The following ATP6V1C2 variants were observed in gnomAD, a reference collection of about 807,000 sequenced individuals.
The protein encoded by ATP6V1C2 is ATPase H+ transporting V1 subunit C2, also known as V-type proton ATPase subunit C 2.
In ATP6V1C2, 45 loss-of-function variants were observed where a neutral mutation model predicts 56.8. That is an observed-to-expected ratio of 0.79 (90% CI 0.62 to 1.02). The LOEUF (loss-of-function observed/expected upper bound fraction) is 1.02. ATP6V1C2 is among the 50% of genes least tolerant of loss of function. The pLI is 0.00. For missense variants in ATP6V1C2, 463 were observed against 519.7 expected, an observed-to-expected ratio of 0.89 and a Z score of 1.06; for synonymous variants, 220 against 201.3, an observed-to-expected ratio of 1.09 and a Z score of -0.79.
At chr2:10,775,244 G>C (rs374396515) in intron 10 of ATP6V1C2, among the ~76,000 whole-genome samples, 173 bp downstream of exon 10, 10 of 152,322 alleles carry the variant, frequency 6.6e-5, no homozygotes, top group African/African-American at 2.2e-4. Flanking sequence ...TGGGGGGAGG[G>C]GCGGTGAGCA....
intron 4 of ATP6V1C2, among the ~76,000 whole-genome samples, chr2:10,762,309 C>A (rs1441398400): frequency 6.6e-6 from 1 of 152,034 alleles, no homozygotes; most frequent in Non-Finnish European, 1.5e-5. Context: ...CCATGCCCAG[C>A]TAATTCTTAC....
At chr2:10,773,015 G>A (rs1044945930) in intron 8 of ATP6V1C2, among the ~76,000 whole-genome samples, 7 of 152,216 alleles carry the variant, frequency 4.6e-5, no homozygotes, top group Admixed American at 2.0e-4. Context: ...CGGCCTCAGC[G>A]TGTGGCCTGC....
intron 8 of ATP6V1C2, among the ~76,000 whole-genome samples, chr2:10,772,941 G>A (rs946996353): frequency 6.6e-6 from 1 of 152,188 alleles, no homozygotes; most frequent in Admixed American, 6.5e-5. Flanking sequence ...TGCCAGAGGG[G>A]GAAGCCAGCC....
At chr2:10,767,429 C>T (rs1460518657) in intron 5 of ATP6V1C2, among the ~76,000 whole-genome samples, 1 of 152,004 alleles carries the variant, frequency 6.6e-6, no homozygotes, top group East Asian at 1.9e-4. Context: ...TCTCAAAGTG[C>T]TAGGATTTCA....
intron 3 of ATP6V1C2, among the ~76,000 whole-genome samples, chr2:10,728,152 G>A (rs912622995): frequency 6.6e-6 from 1 of 152,146 alleles, no homozygotes; most frequent in African/African-American, 2.4e-5. Context: ...TGCAATCATA[G>A]CTCAGTGCAG....
Position 10,768,722 on chromosome 2 carries a change from C to T in ATP6V1C2, c.382C>T (p.Leu128=), listed in dbSNP as rs776995975. The T allele has an allele frequency of 6.2e-7, 1 of 1,614,000 alleles. No homozygotes were observed. The highest frequency in any genetic ancestry group is 8.5e-7 in the Non-Finnish European group (1 of 1,179,996). The change falls in exon 6 of 14, where the codon CTG becomes TTG. Residue 128 remains leucine (L), a synonymous_variant. Coordinates refer to ENST00000272238, the MANE Select transcript of ATP6V1C2 (RefSeq NM_001039362.2). ...AGCTTTTGCTTTCCCAAAACAGCAACTGGCGCAGATCGAGATGGACCTGAA... is the reference window on the plus strand; with the variant it reads ...AGCTTTTGCTTTCCCAAAACAGCAATTGGCGCAGATCGAGATGGACCTGAA... ...VSVVDTIAKQ[L]AQIEMDLKSR...
At chr2:10,730,392 A>G (rs1168334359) in intron 3 of ATP6V1C2, among the ~76,000 whole-genome samples, 1 of 152,140 alleles carries the variant, frequency 6.6e-6, no homozygotes, top group Non-Finnish European at 1.5e-5. Flanking sequence ...TTGGGATTAC[A>G]GGTGTGAGCC....
intron 4 of ATP6V1C2, among the ~76,000 whole-genome samples, chr2:10,757,074 G>A (rs1345401773): frequency 7.5e-6 from 1 of 134,092 alleles, no homozygotes; most frequent in Non-Finnish European, 1.5e-5. Flanking sequence ...GTGCAGTGGC[G>A]CGATCTCAGC....
Position 10,738,201 on chromosome 2 carries a change from C to A in ATP6V1C2, c.197+11632C>A, listed in dbSNP as rs118166557. Among the ~76,000 whole-genome samples, 84 of 152,308 alleles carry A rather than the reference C, an allele frequency of 5.5e-4. 1 individual carries two copies. In the East Asian group the frequency reaches 0.014, roughly 26 times the overall value. On this transcript the variant is annotated intron_variant, in intron 3 of 13. Transcript: ENST00000272238. Reference sequence around the variant, plus strand: ...GTAGCTGCCTAGTGTCAGGCCTTCACCTGGTCATCCTGACTGCCTGGTCTG... The same window carrying A: ...GTAGCTGCCTAGTGTCAGGCCTTCAACTGGTCATCCTGACTGCCTGGTCTG...
chr2:10,782,012 C>T (rs1453667234), intron 12 of ATP6V1C2, among the ~76,000 whole-genome samples: 2 of 152,108 alleles, frequency 1.3e-5, no homozygotes, highest in Admixed American at 6.6e-5. Flanking sequence ...AGAGGGATGA[C>T]CTCTTTTGCT....
At chr2:10,775,108 C>T (rs1170638638) in intron 10 of ATP6V1C2, 37 bp downstream of exon 10, 1 of 1,538,392 alleles carries the variant, frequency 6.5e-7, no homozygotes, top group Non-Finnish European at 9.0e-7. Flanking sequence ...CCGCCCCTAC[C>T]CGGAGGCCTG....
chr2:10,774,729 C>T (rs763055354), intron 8 of ATP6V1C2, 59 bp from the exon 9 acceptor site: 104 of 1,506,790 alleles, frequency 6.9e-5, no homozygotes, highest in Middle Eastern at 1.8e-4. Flanking sequence ...GGCCTCTGAG[C>T]CCCACTCCCG....
intron 2 of ATP6V1C2, among the ~76,000 whole-genome samples, chr2:10,724,204 C>G (rs1661515595): frequency 6.6e-6 from 1 of 152,224 alleles, no homozygotes; most frequent in Non-Finnish European, 1.5e-5. Flanking sequence ...CCAGCATCTG[C>G]TCTTGTAGAA....
In ATP6V1C2 at chr2:10,763,466, T is replaced by A. The variant is rs1263233504; in HGVS notation, c.284-865T>A. 6.6e-6 allele frequency among the ~76,000 whole-genome samples: 1 copy of A among 152,152 alleles called. No individual in the cohort carries two copies. The highest frequency in any genetic ancestry group is 1.9e-4 in the East Asian group (1 of 5,194). ...GGCAGGGGGTGGTGTCTAGTGTGTG[T>A]CCCCAGCAGGGTGATGGGTGTGGAG... is the stretch of plus-strand genomic sequence containing the variant. On this transcript the variant is annotated intron_variant, in intron 4 of 13. Coordinates refer to ENST00000272238, the MANE Select transcript of ATP6V1C2 (RefSeq NM_001039362.2). This position sits in a 1 kb window ranked among gnomAD's most constrained non-coding sequence, Gnocchi z 4.2.
At chr2:10,771,053 C>T (rs1016647192) in intron 6 of ATP6V1C2, among the ~76,000 whole-genome samples, 4 of 152,208 alleles carry the variant, frequency 2.6e-5, no homozygotes, top group African/African-American at 9.7e-5. Flanking sequence ...GAGAAGGAAC[C>T]TAAGGGCTTT....
chr2:10,748,215 T>A (rs1170730051), intron 3 of ATP6V1C2, among the ~76,000 whole-genome samples: 1 of 152,186 alleles, frequency 6.6e-6, no homozygotes, highest in Non-Finnish European at 1.5e-5. Context: ...TTGATGGCTC[T>A]GAGTTTTTTA....
Position 10,777,670 on chromosome 2 carries a change from G to T in ATP6V1C2, c.911G>T (p.Arg304Met). ...VKVTPLGNPDRPAAGQTDRER... is the reference protein window; with the variant it reads ...VKVTPLGNPDMPAAGQTDRER... ...GTAACCCCGCTAGGTAACCCTGATAGGCCTGCTGCGGGGCAGACCGACAGA... is the reference window on the plus strand; with the variant it reads ...GTAACCCCGCTAGGTAACCCTGATATGCCTGCTGCGGGGCAGACCGACAGA... The change falls in exon 11 of 14, where the codon AGG (arginine) becomes ATG (methionine). Residue 304 changes from arginine (R) to methionine (M), a missense_variant. Transcript: ENST00000272238. 6.2e-7 allele frequency: 1 copy of T among 1,614,050 alleles called. No homozygotes were observed. The highest frequency in any genetic ancestry group is 8.5e-7 in the Non-Finnish European group (1 of 1,180,006).
chr2:10,749,808 G>C (rs1032369763), intron 3 of ATP6V1C2, among the ~76,000 whole-genome samples: 1 of 152,112 alleles, frequency 6.6e-6, no homozygotes, highest in Non-Finnish European at 1.5e-5. Flanking sequence ...ACCTGCACAA[G>C]TGAGCAAAAT....
Position 10,764,340 on chromosome 2 carries a change from C to T in ATP6V1C2, c.293C>T (p.Thr98Ile), listed in dbSNP as rs1024607978. The T allele has an allele frequency of 1.2e-6, 2 of 1,613,332 alleles. No homozygotes were observed. The highest frequency in any genetic ancestry group is 1.3e-5 in the African/African-American group (1 of 75,056). ...EHLLANGVDL[T>I]SFVTHFEWDM... ...GTTTGTATTCTTCCAGTTGACTTAA[C>T]ATCCTTTGTGACCCACTTTGAATGG... The change falls in exon 5 of 14, where the codon ACA becomes ATA. Residue 98 changes from threonine to isoleucine, a missense_variant. Thr to Ile is a moderately conservative substitution (Grantham distance 89). Transcript: ENST00000272238.
Sources: gnomAD v4.1 joint callset for allele counts (sites outside exome capture counted in the v4.1 genomes callset) on GRCh38, gnomAD v4.1.1 for gene constraint, Gnocchi (gnomAD v3.1) non-coding constraint, MANE v1.5 for transcripts, NCBI Gene and HGNC (gene_info 2026-07-23, HGNC 2026-07-21) for gene names.